PPARGC1A: variants seen among roughly 807,000 people sequenced by gnomAD.
PPARGC1A encodes PPARG coactivator 1 alpha.
Under a neutral mutation model 88.7 loss-of-function variants are expected in PPARGC1A, and 25 were observed. That is an observed-to-expected ratio of 0.28 (90% CI 0.21 to 0.39). The LOEUF is 0.39. PPARGC1A is among the 10% of genes least tolerant of loss of function. The pLI, the probability that PPARGC1A is intolerant of heterozygous loss-of-function variation, is 1.00. For synonymous variants in PPARGC1A, 363 were observed against 355.6 expected (o/e 1.02, Z -0.24); for missense variants, 880 against 968.7 (o/e 0.91, Z 1.22).
At chr4:24,001,540 A>G in the PPARGC1A span, among the ~76,000 whole-genome samples, 1 of 152,202 alleles carries the variant, frequency 6.6e-6, no homozygotes, top group South Asian at 2.1e-4. Flanking sequence ...CAGCAGAAAT[A>G]GTGTATTTTT....
intron 1 of PPARGC1A, among the ~76,000 whole-genome samples, chr4:23,897,135 T>C (rs1718691146): frequency 6.6e-6 from 1 of 152,258 alleles, no homozygotes; most frequent in African/African-American, 2.4e-5. Flanking sequence ...TATCAGCCAA[T>C]TTGATTTCAT....
the PPARGC1A span, among the ~76,000 whole-genome samples, chr4:24,068,147 T>C: frequency 0.9 from 136,536 of 152,166 alleles, 61,309 homozygotes; most frequent in Admixed American, 0.94. Context: ...AGGAAGCCAC[T>C]CTTTAATGAG....
At chr4:23,915,134 C>T in the PPARGC1A span, among the ~76,000 whole-genome samples, 1 of 151,930 alleles carries the variant, frequency 6.6e-6, no homozygotes, top group Non-Finnish European at 1.5e-5. Context: ...TGGACTGACT[C>T]CATTTGGTTT....
the PPARGC1A span, among the ~76,000 whole-genome samples, chr4:24,102,062 C>T: frequency 3.3e-5 from 5 of 152,170 alleles, no homozygotes; most frequent in Admixed American, 2.6e-4. Context: ...CCCAGGGATC[C>T]ATCCAATCCC....
At chr4:24,329,400 T>A in the PPARGC1A span, among the ~76,000 whole-genome samples, 1 of 152,112 alleles carries the variant, frequency 6.6e-6, no homozygotes, top group Non-Finnish European at 1.5e-5. Flanking sequence ...GATGGGGTCC[T>A]ACCTGCCTCT....
At chr4:24,285,591 G>A in the PPARGC1A span, among the ~76,000 whole-genome samples, 1 of 152,174 alleles carries the variant, frequency 6.6e-6, no homozygotes, top group African/African-American at 2.4e-5. Context: ...ACTTGCTCAA[G>A]ATAACACAGC....
chr4:24,028,456 G>A, the PPARGC1A span, among the ~76,000 whole-genome samples: 1 of 152,160 alleles, frequency 6.6e-6, no homozygotes, highest in Admixed American at 6.5e-5. Flanking sequence ...GACCATCTAT[G>A]AGCCTTTGAG....
the PPARGC1A span, among the ~76,000 whole-genome samples, chr4:24,236,658 C>T: frequency 6.6e-6 from 1 of 152,126 alleles, no homozygotes; most frequent in Non-Finnish European, 1.5e-5. Context: ...TCTGCTGTGC[C>T]CTGAGCCTTT....
the PPARGC1A span, among the ~76,000 whole-genome samples, chr4:23,941,315 C>G: frequency 6.6e-6 from 1 of 152,118 alleles, no homozygotes; most frequent in African/African-American, 2.4e-5. Flanking sequence ...GCTTTGGCCT[C>G]CCAAAGCACT....
the PPARGC1A span, among the ~76,000 whole-genome samples, chr4:24,332,153 T>C: frequency 6.6e-6 from 1 of 152,124 alleles, no homozygotes; most frequent in Admixed American, 6.5e-5. Context: ...TTTTCATTTT[T>C]CTTTTATAGA....
At chr4:24,021,432 A>G in the PPARGC1A span, among the ~76,000 whole-genome samples, 2 of 152,104 alleles carry the variant, frequency 1.3e-5, no homozygotes, top group Admixed American at 1.3e-4. Flanking sequence ...ATGTACTTAG[A>G]GCTGATTCTC....
the PPARGC1A span, among the ~76,000 whole-genome samples, chr4:24,382,211 T>A: frequency 6.6e-6 from 1 of 152,144 alleles, no homozygotes; most frequent in South Asian, 2.1e-4. Flanking sequence ...CTTAATGAAA[T>A]AATGTACAGT....
the PPARGC1A span, among the ~76,000 whole-genome samples, chr4:24,116,922 T>C: frequency 6.4e-3 from 971 of 152,164 alleles, 10 homozygotes; most frequent in African/African-American, 0.02. Flanking sequence ...GGGAGTCCAC[T>C]CTCATAACTG....
the PPARGC1A span, among the ~76,000 whole-genome samples, chr4:24,430,432 T>G: frequency 2.0e-5 from 3 of 151,822 alleles, no homozygotes; most frequent in Non-Finnish European, 4.4e-5. Flanking sequence ...TAATTTTTTT[T>G]TTGTATTTTT....
the PPARGC1A span, among the ~76,000 whole-genome samples, chr4:24,152,217 C>A: frequency 1.3e-5 from 2 of 152,222 alleles, no homozygotes; most frequent in Non-Finnish European, 2.9e-5. Context: ...GTTCCCGTAA[C>A]TGTCTCACTT....
At chr4:24,103,235 C>G in the PPARGC1A span, among the ~76,000 whole-genome samples, 1 of 152,102 alleles carries the variant, frequency 6.6e-6, no homozygotes, top group Non-Finnish European at 1.5e-5. Context: ...GTGGGTAGTT[C>G]CAGAGCCCTC....
chr4:23,947,391 A>ATATG, the PPARGC1A span, among the ~76,000 whole-genome samples: 1 of 9,566 alleles, frequency 1.0e-4, no homozygotes, highest in Non-Finnish European at 3.4e-4. Context: ...ATATATATAT[A>ATATG]TATATAAAAA....
chr4:24,464,840 A>G, the PPARGC1A span, among the ~76,000 whole-genome samples: 64 of 151,846 alleles, frequency 4.2e-4, no homozygotes, highest in African/African-American at 1.5e-3. Context: ...CCTCCCCTCC[A>G]CCGCATGTTT....
At chr4:23,818,127 C>T (rs1722318139) in intron 7 of PPARGC1A, among the ~76,000 whole-genome samples, 2 of 152,272 alleles carry the variant, frequency 1.3e-5, no homozygotes, top group Non-Finnish European at 2.9e-5. Context: ...ATCAACAGTG[C>T]TAATGCCTCC....
Sources: allele counts gnomAD v4.1 joint callset (sites outside exome capture counted in the v4.1 genomes callset), GRCh38; gene constraint gnomAD v4.1.1; transcripts MANE v1.5; gene names NCBI Gene and HGNC (gene_info 2026-07-23, HGNC 2026-07-21).